SCN2B: variants seen among roughly 807,000 people sequenced by gnomAD.
SCN2B encodes the protein sodium voltage-gated channel beta subunit 2.
In SCN2B, 14 loss-of-function variants were observed where a neutral mutation model predicts 18.2. That is an observed-to-expected ratio of 0.77 (90% CI 0.51 to 1.21). The LOEUF (loss-of-function observed/expected upper bound fraction) is 1.21, where lower values mean the gene tolerates loss of function less well. SCN2B is among the 50% of genes most tolerant of loss of function. SCN2B has a pLI of 0.00. For synonymous variants in SCN2B, 115 were observed against 115.3 expected (o/e 1.00, Z 0.02); for missense variants, 262 against 286.9 (o/e 0.91, Z 0.63).
chr11:118,175,711 T>C lies in SCN2B; in HGVS notation c.70+651A>G, dbSNP rs11216798. Reference sequence around the variant, plus strand: ...TCGCTCAGCCTGTGGGTTCCATTTTTTTCCTGAATCTCTACACCTGGCCCT... The same window carrying C: ...TCGCTCAGCCTGTGGGTTCCATTTTCTTCCTGAATCTCTACACCTGGCCCT... On this transcript the variant is annotated intron_variant, in intron 1 of 3. Transcript: ENST00000278947. 2.2e-4 allele frequency among the ~76,000 whole-genome samples: 34 copies of C among 152,246 alleles called. 2 individuals are homozygous for C. In the East Asian group the frequency reaches 6.4e-3, roughly 29 times the overall value.
chr11:118,169,327 C>T (rs1352430092), intron 1 of SCN2B, among the ~76,000 whole-genome samples: 1 of 152,206 alleles, frequency 6.6e-6, no homozygotes, highest in Non-Finnish European at 1.5e-5. Flanking sequence ...CAGAAGACCA[C>T]AGACAAGGGG....
intron 1 of SCN2B, among the ~76,000 whole-genome samples, chr11:118,172,005 A>C (rs1485976578): frequency 1.3e-5 from 2 of 152,052 alleles, no homozygotes; most frequent in African/African-American, 2.4e-5. Context: ...CAATATCTCC[A>C]CGTAAGCCTG....
At chr11:118,167,374 C>A (rs958305087) in intron 3 of SCN2B, among the ~76,000 whole-genome samples, 3 of 152,144 alleles carry the variant, frequency 2.0e-5, no homozygotes, top group African/African-American at 7.2e-5. Flanking sequence ...TTACGAATTG[C>A]GTGACCTTAA....
intron 1 of SCN2B, among the ~76,000 whole-genome samples, chr11:118,175,161 C>T (rs113488707): frequency 0.036 from 5,514 of 152,288 alleles, 136 homozygotes; most frequent in Non-Finnish European, 0.057. Context: ...TGTTAGCCAT[C>T]GTTGAGTTCC....
At chr11:118,172,341 A>G (rs1948436336) in intron 1 of SCN2B, among the ~76,000 whole-genome samples, 1 of 150,666 alleles carries the variant, frequency 6.6e-6, no homozygotes, top group Non-Finnish European at 1.5e-5. Context: ...TGGAGCACAA[A>G]GAAGTTAAGA....
chr11:118,168,026 C>T lies in SCN2B; in HGVS notation c.448+59G>A, dbSNP rs647975. ...TCCCCAAAGTGCCCTGAGCAAATGC[C>T]GCAGAGAGTAGGTGGGTGGGAAAGG... is the stretch of plus-strand genomic sequence containing the variant. On this transcript the variant is annotated intron_variant, in intron 3 of 3. Transcript: ENST00000278947. This position sits in a 1 kb window ranked among gnomAD's most constrained non-coding sequence, Gnocchi z 4.7. 0.061 allele frequency: 88,252 copies of T among 1,458,110 alleles called. 16,428 individuals carry two copies. In the African/African-American group the frequency reaches 0.64, roughly 11 times the overall value. The allele number at this position is 1,458,110 out of a possible 1,614,324, so 90.3% of individuals were successfully genotyped here.
chr11:118,170,943 A>G (rs1009303288), intron 1 of SCN2B, among the ~76,000 whole-genome samples: 6 of 151,836 alleles, frequency 4.0e-5, no homozygotes, highest in African/African-American at 1.5e-4. Context: ...CCAGGCCTGC[A>G]GGGCTCCTAT....
rs1451648084 is a variant in SCN2B, at chr11:118,168,782, T to G, written c.71-31A>C. The G allele has an allele frequency of 1.2e-6, 2 of 1,613,124 alleles. No individual in the cohort carries two copies. The highest frequency in any genetic ancestry group is 3.3e-5 in the Admixed American group (2 of 59,968). On this transcript the variant is annotated intron_variant, in intron 1 of 3. Coordinates refer to ENST00000278947, the MANE Select transcript of SCN2B (RefSeq NM_004588.5). This position sits in a 1 kb window ranked among gnomAD's most constrained non-coding sequence, Gnocchi z 4.7. ...GATGAAGCCACAAGCTGGTGAGGAG[T>G]CTGGCTGAAAGGGCTGGGGAGGGGC...
chr11:118,176,231 A>G, intron 1 of SCN2B, 131 bp downstream of exon 1: 1 of 859,694 alleles, frequency 1.2e-6, no homozygotes. Flanking sequence ...TCCAGTCCCC[A>G]GCACCTCCCC....
intron 1 of SCN2B, among the ~76,000 whole-genome samples, chr11:118,172,108 A>T (rs1290807497): frequency 6.6e-6 from 1 of 152,218 alleles, no homozygotes; most frequent in East Asian, 1.9e-4. Flanking sequence ...CCATGGCTCA[A>T]CAAGGTCAGA....
chr11:118,176,326 T>C, intron 1 of SCN2B, 36 bp downstream of exon 1: 1 of 1,585,772 alleles, frequency 6.3e-7, no homozygotes, highest in Non-Finnish European at 8.7e-7. Context: ...GCTACACTTC[T>C]GAACCCTCGG....
Position 118,176,478 on chromosome 11 carries a change from T to C in SCN2B, c.-47A>G, listed in dbSNP as rs757341924. On this transcript the variant is annotated 5_prime_UTR_variant, in exon 1 of 4. Coordinates refer to ENST00000278947, the MANE Select transcript of SCN2B (RefSeq NM_004588.5). ...TCGGGTGGGCTACGGGAGAGGGTGATTTGAGGGGGCGAGAACTACAAGGGA... is the reference window on the plus strand; with the variant it reads ...TCGGGTGGGCTACGGGAGAGGGTGACTTGAGGGGGCGAGAACTACAAGGGA... 1 of 1,452,130 alleles carries C rather than the reference T, an allele frequency of 6.9e-7. No individual in the cohort carries two copies. Among genetic ancestry groups the C allele is most frequent in the South Asian group, 1.1e-5 (1 of 87,828 alleles). The allele number at this position is 1,452,130 out of a possible 1,614,324, so 90.0% of individuals were successfully genotyped here.
rs1489530719 is a variant in SCN2B, at chr11:118,163,954, G to A, written c.*2933C>T. On this transcript the variant is annotated 3_prime_UTR_variant, in exon 4 of 4. Transcript: ENST00000278947. The stretch of plus-strand genomic sequence containing the variant: ...ATGAGTCCTCTGGAGGAGATTCTAA[G>A]AGGCTCCAGAAGAAAATGCATATGA... 1 of 152,162 alleles carries A rather than the reference G, an allele frequency of 6.6e-6. No individual in the cohort carries two copies. Among genetic ancestry groups the A allele is most frequent in the Non-Finnish European group, 1.5e-5 (1 of 68,038 alleles). The allele number at this position is 152,162 out of a possible 1,614,324, so 9.4% of individuals were successfully genotyped here.
chr11:118,176,269 G>A, intron 1 of SCN2B, 93 bp downstream of exon 1: 1 of 1,181,390 alleles, frequency 8.5e-7, no homozygotes, highest in Non-Finnish European at 1.3e-6. Flanking sequence ...GAAAGCGCTA[G>A]CAATGTCTTC....
intron 1 of SCN2B, among the ~76,000 whole-genome samples, chr11:118,175,785 G>A (rs917775192): frequency 6.6e-6 from 1 of 151,998 alleles, no homozygotes; most frequent in African/African-American, 2.4e-5. Context: ...CCATCAGTGC[G>A]TGCCTCAGCA....
In SCN2B at chr11:118,168,497, CAGTGCCGGGG is replaced by C. The variant is rs746061749; in HGVS notation, c.237+78_237+87del. On this transcript the variant is annotated intron_variant, in intron 2 of 3. Coordinates refer to ENST00000278947, the MANE Select transcript of SCN2B (RefSeq NM_004588.5). This position sits in a 1 kb window ranked among gnomAD's most constrained non-coding sequence, Gnocchi z 4.7. ...CCCAGGGTCCTCTGGGGCCCTAGCGCAGTGCCGGGGCCGGTGGTGGGACCAGGGGCTTCAT... is the reference window on the plus strand; with the variant it reads ...CCCAGGGTCCTCTGGGGCCCTAGCGCCCGGTGGTGGGACCAGGGGCTTCAT... The C allele has an allele frequency of 3.4e-4, 530 of 1,562,740 alleles. No individual in the cohort carries two copies. Among genetic ancestry groups the C allele is most frequent in the Middle Eastern group, 2.2e-3 (13 of 5,948 alleles).
At chr11:118,173,132 AG>A (rs1948442891) in intron 1 of SCN2B, among the ~76,000 whole-genome samples, 1 of 152,028 alleles carries the variant, frequency 6.6e-6, no homozygotes, top group Non-Finnish European at 1.5e-5. Context: ...CACTGCTTTC[AG>A]GATCAAGTCC....
Position 118,166,841 on chromosome 11 carries a change from A to T in SCN2B, c.*46T>A. 2 of 1,608,356 alleles carry T rather than the reference A, an allele frequency of 1.2e-6. No individual in the cohort carries two copies. The highest frequency in any genetic ancestry group is 1.7e-6 in the Non-Finnish European group (2 of 1,177,064). On this transcript the variant is annotated 3_prime_UTR_variant, in exon 4 of 4. Transcript: ENST00000278947. ...CAGGCAGGGTCACTGTACAGGGCGG[A>T]GAGGGGAGGAGACGGGACACGGGAG... is the stretch of plus-strand genomic sequence containing the variant.
intron 3 of SCN2B, among the ~76,000 whole-genome samples, chr11:118,167,853 A>C (rs1377963164): frequency 2.6e-5 from 4 of 152,240 alleles, no homozygotes; most frequent in African/African-American, 9.6e-5. Flanking sequence ...CATCACACCA[A>C]GCCCCATTAT....
Sources: allele counts gnomAD v4.1 joint callset (sites outside exome capture counted in the v4.1 genomes callset), GRCh38; gene constraint gnomAD v4.1.1; non-coding constraint Gnocchi (gnomAD v3.1); transcripts MANE v1.5; gene names NCBI Gene and HGNC (gene_info 2026-07-23, HGNC 2026-07-21).